TMOD3: variants seen among roughly 807,000 people sequenced by gnomAD.
The protein encoded by TMOD3 is tropomodulin-3.
A neutral mutation model predicts 39.2 loss-of-function variants in TMOD3; 20 were observed. That is an observed-to-expected ratio of 0.51 (90% CI 0.36 to 0.74). The LOEUF is 0.74. Among genes scored for constraint, TMOD3 ranks in the 30% least tolerant of loss-of-function variants. The pLI is 0.00. For missense variants in TMOD3, 381 were observed against 412.8 expected (o/e 0.92, Z 0.67); for synonymous variants, 143 against 145.8 (o/e 0.98, Z 0.14).
intron 1 of TMOD3, among the ~76,000 whole-genome samples, chr15:51,855,524 A>G (rs1567264722): frequency 6.6e-6 from 1 of 152,264 alleles, no homozygotes; most frequent in Non-Finnish European, 1.5e-5. Flanking sequence ...CTTATTTACA[A>G]AAAGTTGTGT....
intron 2 of TMOD3, among the ~76,000 whole-genome samples, chr15:51,867,197 G>T (rs567540626): frequency 6.6e-6 from 1 of 152,254 alleles, no homozygotes; most frequent in African/African-American, 2.4e-5. Context: ...GATCCAGGTG[G>T]GAAGCTAATG....
chr15:51,868,953 T>C (rs2056460966), intron 2 of TMOD3, among the ~76,000 whole-genome samples: 1 of 152,144 alleles, frequency 6.6e-6, no homozygotes, highest in African/African-American at 2.4e-5. Flanking sequence ...GCTTTGGGGA[T>C]AGAAGGAGAC....
At position 51,913,562 on chromosome 15, in the gene TMOD3, A is replaced by G. The variant is rs1317095210; in HGVS notation, c.*4752A>G. 1 of 152,226 alleles carries G rather than the reference A, an allele frequency of 6.6e-6. No individual in the cohort carries two copies. Among genetic ancestry groups the G allele is most frequent in the Non-Finnish European group, 1.5e-5 (1 of 68,042 alleles). 9.4% of individuals were successfully genotyped at this position (152,226 alleles called of 1,614,324 possible). On this transcript the variant is annotated 3_prime_UTR_variant, in exon 10 of 10. Transcript: ENST00000308580. ...TTCTATAAGTTCTTCCCTATAAAAA[A>G]TGAATGAATTAGAAATTTGATAATA...
chr15:51,895,311 C>G (rs529803586), intron 6 of TMOD3, among the ~76,000 whole-genome samples: 163 of 151,794 alleles, frequency 1.1e-3, no homozygotes, highest in African/African-American at 3.5e-3. Context: ...CTGCCCTGCC[C>G]CAGGTTCAAG....
Position 51,909,055 on chromosome 15 carries a change from C to G in TMOD3, c.*245C>G. On this transcript the variant is annotated 3_prime_UTR_variant, in exon 10 of 10. Transcript: ENST00000308580. ...TTTAATTGAATGATTTATGATGAAT[C>G]TTGGGCAAAAAAATACAACTGTAAA... is the stretch of plus-strand genomic sequence containing the variant. 2.9e-6 allele frequency: 1 copy of G among 340,094 alleles called. No individual in the cohort carries two copies. The highest frequency in any genetic ancestry group is 5.3e-6 in the Non-Finnish European group (1 of 189,802). The allele number at this position is 340,094 out of a possible 1,614,324, so 21.1% of individuals were successfully genotyped here.
intron 1 of TMOD3, among the ~76,000 whole-genome samples, chr15:51,837,366 T>G (rs1442528420): frequency 6.6e-6 from 1 of 152,064 alleles, no homozygotes; most frequent in African/African-American, 2.4e-5. Context: ...CCCCCAAGAT[T>G]TATTTTCATT....
At chr15:51,852,610 C>T (rs1344804804) in intron 1 of TMOD3, among the ~76,000 whole-genome samples, 1 of 152,108 alleles carries the variant, frequency 6.6e-6, no homozygotes, top group Non-Finnish European at 1.5e-5. Context: ...ATCAAAAATT[C>T]ATTTTCAGCC....
intron 3 of TMOD3, among the ~76,000 whole-genome samples, chr15:51,871,041 A>C (rs1161450518): frequency 6.6e-6 from 1 of 150,532 alleles, no homozygotes; most frequent in Admixed American, 6.6e-5. Context: ...AATCTCATCC[A>C]AAAAAAAAGC....
intron 9 of TMOD3, among the ~76,000 whole-genome samples, chr15:51,907,753 T>C (rs1244015570): frequency 6.6e-6 from 1 of 152,220 alleles, no homozygotes; most frequent in Non-Finnish European, 1.5e-5. Flanking sequence ...TGCTCTCTAG[T>C]GGCTGATAGG....
chr15:51,906,571 A>G (rs1399874138), intron 9 of TMOD3, among the ~76,000 whole-genome samples: 4 of 152,200 alleles, frequency 2.6e-5, no homozygotes, highest in Admixed American at 2.0e-4. Context: ...TCTTTACACT[A>G]GTTAACTGCA....
chr15:51,871,115 A>G, intron 3 of TMOD3, among the ~76,000 whole-genome samples: 1 of 152,238 alleles, frequency 6.6e-6, no homozygotes. Context: ...TGGGCACCAC[A>G]GCCCAGCCAA....
At chr15:51,839,607 T>C (rs1330936977) in intron 1 of TMOD3, among the ~76,000 whole-genome samples, 1 of 152,082 alleles carries the variant, frequency 6.6e-6, no homozygotes, top group African/African-American at 2.4e-5. Context: ...GGCGTGCAGG[T>C]GTGATCATAG....
At chr15:51,855,248 A>G (rs1040789241) in intron 1 of TMOD3, among the ~76,000 whole-genome samples, 1 of 152,254 alleles carries the variant, frequency 6.6e-6, no homozygotes, top group Non-Finnish European at 1.5e-5. Context: ...ATCTCAAAGT[A>G]TAGTTCCTGA....
intron 9 of TMOD3, chr15:51,907,115 C>T (rs1428082421): frequency 1.3e-5 from 2 of 151,256 alleles, no homozygotes; most frequent in East Asian, 3.9e-4. Flanking sequence ...TTTGAGGGCT[C>T]AAGTCTCCAT....
intron 3 of TMOD3, among the ~76,000 whole-genome samples, chr15:51,876,464 CTTT>C (rs35777134): frequency 7.3e-5 from 10 of 136,698 alleles, no homozygotes; most frequent in Non-Finnish European, 1.1e-4. Context: ...GCACCCAGCG[CTTT>C]TTTTTTTTTT....
In TMOD3 at chr15:51,894,669, A is replaced by G. The variant is rs114940073; in HGVS notation, c.627+724A>G. On this transcript the variant is annotated intron_variant, in intron 6 of 9. Transcript: ENST00000308580. ...CAGAATGTCATATAAATTGAATCCT[A>G]TAGTATGTAGCCTTTTGGGTCTGGC... Among the ~76,000 whole-genome samples the G allele has an allele frequency of 4.4e-3, 663 of 152,256 alleles. 6 individuals are homozygous for G. Among genetic ancestry groups the G allele is most frequent in the African/African-American group, 0.015 (638 of 41,536 alleles).
chr15:51,845,406 C>A (rs562485875), intron 1 of TMOD3, among the ~76,000 whole-genome samples: 1 of 152,292 alleles, frequency 6.6e-6, no homozygotes, highest in South Asian at 2.1e-4. Flanking sequence ...TCCATAGATC[C>A]GCTCACCCTC....
chr15:51,842,430 C>T (rs888354664), intron 1 of TMOD3, among the ~76,000 whole-genome samples: 1 of 152,182 alleles, frequency 6.6e-6, no homozygotes, highest in African/African-American at 2.4e-5. Flanking sequence ...TCAGTGCTGT[C>T]TGTGGTGTGT....
chr15:51,900,295 T>G lies in TMOD3; in HGVS notation c.876T>G (p.Asn292Lys). The G allele has an allele frequency of 6.2e-7, 1 of 1,614,026 alleles. No individual in the cohort carries two copies. Among genetic ancestry groups the G allele is most frequent in the Non-Finnish European group, 8.5e-7 (1 of 1,179,992 alleles). Residue 292 changes from asparagine to lysine, a missense_variant, in exon 8 of 10, where the codon AAT (asparagine) becomes AAG (lysine). Asn to Lys is a moderately conservative substitution (Grantham distance 94). Coordinates refer to ENST00000308580, the MANE Select transcript of TMOD3 (RefSeq NM_014547.5). ...NETLAELKID[N>K]QRQQLGTAVE... ...CCCTGGCAGAGCTCAAGATTGACAATCAGGTCAATGTTCTACAATAATAAC... is the reference window on the plus strand; with the variant it reads ...CCCTGGCAGAGCTCAAGATTGACAAGCAGGTCAATGTTCTACAATAATAAC...
Sources: allele counts gnomAD v4.1 joint callset (sites outside exome capture counted in the v4.1 genomes callset), GRCh38; gene constraint gnomAD v4.1.1; transcripts MANE v1.5; gene names NCBI Gene and HGNC (gene_info 2026-07-23, HGNC 2026-07-21).